Variants in FSD1L observed in about 807,000 individuals in gnomAD.
FSD1L encodes FSD1-like protein.
Under a neutral mutation model 71.6 loss-of-function variants are expected in FSD1L, and 45 were observed. The ratio of observed to expected loss-of-function variants is 0.63; its 90% CI spans 0.49 to 0.81. The LOEUF (loss-of-function observed/expected upper bound fraction) is 0.81. Among genes scored for constraint, FSD1L ranks in the 30% least tolerant of loss-of-function variants. The pLI is 0.00. For missense variants in FSD1L, 561 were observed against 618.1 expected (o/e 0.91, Z 0.98); for synonymous variants, 197 against 207.2 (o/e 0.95, Z 0.42).
chr9:105,532,563 T>C (rs188401457), intron 10 of FSD1L, among the ~76,000 whole-genome samples: 62 of 152,334 alleles, frequency 4.1e-4, no homozygotes, highest in African/African-American at 1.4e-3. Flanking sequence ...TATTCTGGAA[T>C]TTTCCCCCCT....
intron 9 of FSD1L, among the ~76,000 whole-genome samples, chr9:105,509,416 A>C (rs951377597): frequency 6.6e-6 from 1 of 152,152 alleles, no homozygotes; most frequent in Non-Finnish European, 1.5e-5. Flanking sequence ...AGCAGACTTG[A>C]ATACAGAGGA....
intron 1 of FSD1L, among the ~76,000 whole-genome samples, chr9:105,450,101 C>T (rs1829897435): frequency 6.6e-6 from 1 of 152,184 alleles, no homozygotes; most frequent in Non-Finnish European, 1.5e-5. Flanking sequence ...CAGTTCAGTG[C>T]TCTGAACCTG....
At chr9:105,499,230 G>C (rs1833619090) in intron 7 of FSD1L, among the ~76,000 whole-genome samples, 1 of 152,090 alleles carries the variant, frequency 6.6e-6, no homozygotes, top group Non-Finnish European at 1.5e-5. Context: ...TATCATTGTT[G>C]TCATTTATTT....
intron 3 of FSD1L, among the ~76,000 whole-genome samples, chr9:105,465,610 A>G (rs997012990): frequency 2.0e-5 from 3 of 152,246 alleles, no homozygotes; most frequent in Non-Finnish European, 4.4e-5. Flanking sequence ...ACAGAAGTCA[A>G]TAAATGTGAT....
Position 105,484,485 on chromosome 9 carries a change from C to A in FSD1L, c.569C>A (p.Thr190Asn). 6.6e-7 allele frequency: 1 copy of A among 1,518,944 alleles called. No homozygotes were observed. Among genetic ancestry groups the A allele is most frequent in the Non-Finnish European group, 8.8e-7 (1 of 1,134,028 alleles). The allele number at this position is 1,518,944 out of a possible 1,614,324, so 94.1% of individuals were successfully genotyped here. A position where few individuals can be genotyped will look rare whatever the true frequency, so the allele number is the denominator to read the frequency against. Residue 190 changes from threonine to asparagine, a missense_variant, in exon 7 of 14, where the codon ACT becomes AAT. This residue lies in a region of FSD1L where 410 missense variants were observed against 413.5 expected (regional missense o/e 0.99). Transcript: ENST00000481272. ...TCACAGGAAAGACAGATGCTGCAAA[C>A]TTTGAAGTTTTTGCCAGGTAAATAC... ...DFSQERQMLQ[T>N]LKFLPVPKAP...
chr9:105,490,221 A>G (rs1832832447), intron 7 of FSD1L, among the ~76,000 whole-genome samples: 3 of 152,112 alleles, frequency 2.0e-5, no homozygotes, highest in Admixed American at 2.0e-4. Context: ...ATGGTATCTC[A>G]TTGTGGTTTT....
At chr9:105,491,529 C>T (rs1366764316) in intron 7 of FSD1L, among the ~76,000 whole-genome samples, 1 of 152,102 alleles carries the variant, frequency 6.6e-6, no homozygotes, top group African/African-American at 2.4e-5. Context: ...GAACTTCCAA[C>T]ACTATGTTGA....
At chr9:105,515,939 C>G (rs1043705943) in intron 10 of FSD1L, among the ~76,000 whole-genome samples, 5 of 152,208 alleles carry the variant, frequency 3.3e-5, no homozygotes, top group Non-Finnish European at 7.3e-5. Flanking sequence ...CTAAAATCCA[C>G]TGGCTTGAAA....
At position 105,473,473 on chromosome 9, in the gene FSD1L, A is replaced by C. The variant is rs75245769; in HGVS notation, c.441+1468A>C. On this transcript the variant is annotated intron_variant, in intron 5 of 13. Transcript: ENST00000481272. ...GGACAAGAGTTAATGTCCTCTATTC[A>C]AGATCATTTCTCAGAATCTGTTGAC... Among the ~76,000 whole-genome samples the C allele has an allele frequency of 9.1e-3, 1,391 of 152,294 alleles. 16 individuals are homozygous for C. Among genetic ancestry groups the C allele is most frequent in the African/African-American group, 0.032 (1,317 of 41,564 alleles).
intron 10 of FSD1L, among the ~76,000 whole-genome samples, chr9:105,534,123 G>T (rs1009924733): frequency 7.9e-5 from 12 of 152,066 alleles, no homozygotes; most frequent in African/African-American, 2.7e-4. Context: ...ACCTATTTTT[G>T]CCTTCATTTA....
chr9:105,472,710 T>G (rs1445196567), intron 5 of FSD1L: 2 of 152,256 alleles, frequency 1.3e-5, no homozygotes, highest in Non-Finnish European at 2.9e-5. Flanking sequence ...GCTTTATAAC[T>G]GATTTATGCC....
upstream of FSD1L, among the ~76,000 whole-genome samples, chr9:105,443,344 A>AGCTTTCAT (rs1459281541): frequency 8.1e-6 from 1 of 122,708 alleles, no homozygotes; most frequent in African/African-American, 4.4e-5. Context: ...ATCTGCAGGG[A>AGCTTTCAT]AACTCATTTT....
At chr9:105,544,512 C>T (rs1836849071) in intron 13 of FSD1L, among the ~76,000 whole-genome samples, 1 of 152,112 alleles carries the variant, frequency 6.6e-6, no homozygotes, top group Non-Finnish European at 1.5e-5. Flanking sequence ...ATGCCTATGT[C>T]CTGAATGGTA....
rs1836459702 is a variant in FSD1L, at chr9:105,539,281, A to T, written c.1397A>T (p.Asp466Val). The T allele has an allele frequency of 6.7e-7, 1 of 1,482,884 alleles. No individual in the cohort carries two copies. The highest frequency in any genetic ancestry group is 9.1e-7 in the Non-Finnish European group (1 of 1,102,114). 91.9% of individuals were successfully genotyped at this position (1,482,884 alleles called of 1,614,324 possible). ...TTTTTAGGTCAACTTTCATTCTATG[A>T]TGCAAATTCTAAACAGTTGCTATAT... The part of the protein sequence containing the change: ...DFDGGQLSFY[D>V]ANSKQLLYSF... Residue 466 changes from aspartate (D) to valine (V), a missense_variant, in exon 13 of 14, where the codon GAT becomes GTT. By Grantham distance (152) the Asp-to-Val change is radical (BLOSUM62 -3). Transcript: ENST00000481272.
intron 10 of FSD1L, among the ~76,000 whole-genome samples, chr9:105,527,445 T>C (rs960214164): frequency 1.3e-4 from 20 of 152,164 alleles, no homozygotes; most frequent in African/African-American, 4.3e-4. Flanking sequence ...TTGTTAATAC[T>C]GAACTTGCAG....
At position 105,521,105 on chromosome 9, in the gene FSD1L, T is replaced by A. The variant is rs540860724; in HGVS notation, c.1025+8169T>A. 8.1e-6 allele frequency: 13 copies of A among 1,613,720 alleles called. No individual in the cohort carries two copies. In the African/African-American group the frequency reaches 1.3e-4, roughly 17 times the overall value. On this transcript the variant is annotated intron_variant, in intron 10 of 13. Transcript: ENST00000481272. ...CACATTATGTCATGATAAAGAAAGA[T>A]GCTGAAACCAATGAAGCAATCTATT...
chr9:105,475,209 C>A (rs1831716364), intron 5 of FSD1L, among the ~76,000 whole-genome samples: 2 of 152,118 alleles, frequency 1.3e-5, no homozygotes, highest in Admixed American at 6.5e-5. Flanking sequence ...AACTAAATTG[C>A]CATCACAATC....
upstream of FSD1L, chr9:105,447,936 G>T (rs981611614): frequency 5.8e-6 from 3 of 520,092 alleles, no homozygotes; most frequent in Admixed American, 4.1e-5. Context: ...TAGACAGACG[G>T]GCGGCGCTCC....
chr9:105,513,482 G>C (rs1351242996), intron 10 of FSD1L: 2 of 639,642 alleles, frequency 3.1e-6, no homozygotes, highest in African/African-American at 3.8e-5. Flanking sequence ...GCCATTGTGA[G>C]TTACAGTAAT....
Sources: gnomAD v4.1 joint callset for allele counts (sites outside exome capture counted in the v4.1 genomes callset) on GRCh38, gnomAD v4.1.1 for gene constraint, gnomAD v4.1.1 regional missense constraint, MANE v1.5 for transcripts, NCBI Gene and HGNC (gene_info 2026-07-23, HGNC 2026-07-21) for gene names.